Variants in DNAH3 observed in about 807,000 individuals in gnomAD.
DNAH3 encodes the protein axonemal beta dynein heavy chain 3.
DNAH3 carries 332 observed loss-of-function variants against 432.5 expected under a neutral mutation model. That is an observed-to-expected ratio of 0.77 (90% CI 0.70 to 0.84). DNAH3 has a LOEUF of 0.84. DNAH3 is among the 40% of genes least tolerant of loss of function. The probability of loss-of-function intolerance (pLI) is 0.00; values close to 1 mark genes in which losing one functional copy is unlikely to be tolerated. For synonymous variants in DNAH3, 1,956 were observed against 1,900.2 expected (o/e 1.03, Z -0.76); for missense variants, 4,861 against 5,114.0 (o/e 0.95, Z 1.51).
At chr16:21,125,125 G>C (rs775147451) in intron 9 of DNAH3, 50 bp downstream of exon 10, 1 of 1,475,024 alleles carries the variant, frequency 6.8e-7, no homozygotes, top group Admixed American at 2.1e-5. Flanking sequence ...CTCTAACCAA[G>C]TAACCAGGTT....
intron 56 of DNAH3, among the ~76,000 whole-genome samples, chr16:20,952,050 TA>T (rs1372376811): frequency 6.6e-6 from 1 of 152,072 alleles, no homozygotes; most frequent in East Asian, 1.9e-4. Context: ...GCCAATTTTT[TA>T]ATTTTTAGTA....
At chr16:21,155,582 A>T (rs2092892582) in intron 1 of DNAH3, among the ~76,000 whole-genome samples, 2 of 137,294 alleles carry the variant, frequency 1.5e-5, no homozygotes, top group Non-Finnish European at 3.0e-5. Flanking sequence ...AGATAGCGCC[A>T]CTGCACTCCA....
At chr16:21,144,756 G>A (rs964580412) in intron 3 of DNAH3, among the ~76,000 whole-genome samples, 13 of 152,118 alleles carry the variant, frequency 8.5e-5, no homozygotes, top group Non-Finnish European at 4.4e-5. Flanking sequence ...GGAGGAGAGT[G>A]AGGCTTTGCA....
chr16:20,961,259 T>C (rs1410733978), intron 53 of DNAH3, among the ~76,000 whole-genome samples: 1 of 152,090 alleles, frequency 6.6e-6, no homozygotes, highest in Non-Finnish European at 1.5e-5. Flanking sequence ...GGAGATAGGG[T>C]CTTTGCGGAG....
chr16:20,975,552 A>T (rs1200563660), intron 50 of DNAH3, 137 bp from the exon 51 acceptor site: 4 of 835,174 alleles, frequency 4.8e-6, no homozygotes, highest in Non-Finnish European at 7.4e-6. Context: ...CTGGGTACAG[A>T]TTCGTTTCCT....
chr16:21,119,613 T>G (rs1027055889), intron 11 of DNAH3, among the ~76,000 whole-genome samples: 1 of 151,888 alleles, frequency 6.6e-6, no homozygotes, highest in Admixed American at 6.6e-5. Context: ...TTTTTTTTTT[T>G]GAGATGGAGT....
At chr16:21,040,643 G>A (rs2089401611) in intron 32 of DNAH3, among the ~76,000 whole-genome samples, 1 of 152,020 alleles carries the variant, frequency 6.6e-6, no homozygotes, top group Non-Finnish European at 1.5e-5. Flanking sequence ...TCAGATTAAG[G>A]CGTGAGCTAC....
intron 41 of DNAH3, among the ~76,000 whole-genome samples, chr16:21,013,521 G>A (rs2087707984): frequency 1.3e-5 from 2 of 152,082 alleles, no homozygotes; most frequent in Non-Finnish European, 2.9e-5. Flanking sequence ...AGGAGTTTGA[G>A]ACTAGCCTGA....
rs768855041 is a variant in DNAH3 at position 20,964,118 on chromosome 16, C to G, written c.9766G>C (p.Asp3256His). 5 of 1,614,082 alleles carry G rather than the reference C, an allele frequency of 3.1e-6. No homozygotes were observed. The African/African-American group carries it at 6.7e-5, about 22-fold the overall frequency. ...GACAGAACTTTGATGGCGGTTTCAT[C>G]CTCCAGGATGTTACCCTTGGACATG... Residue 3256 changes from aspartate (D) to histidine (H), a missense_variant, in exon 53 of 62, where the codon GAT (aspartate) becomes CAT (histidine). Coordinates refer to ENST00000261383, the Ensembl canonical transcript of DNAH3.
chr16:21,154,432 A>G (rs1483184829), intron 1 of DNAH3, among the ~76,000 whole-genome samples: 1 of 151,958 alleles, frequency 6.6e-6, no homozygotes, highest in Admixed American at 6.6e-5. Flanking sequence ...AATGGTCCTG[A>G]TGTGGAGCTA....
chr16:21,134,252 T>C lies in DNAH3; in HGVS notation c.1082+7A>G. Reference sequence around the variant, plus strand: ...GGGAATGAAAAAAAAAGGGAGGGACTTCTTACTCTGCAAACCACAGTTCTT... The same window carrying C: ...GGGAATGAAAAAAAAAGGGAGGGACCTCTTACTCTGCAAACCACAGTTCTT... On this transcript the variant is annotated splice_region_variant and intron_variant, in intron 7 of 61. Transcript: ENST00000261383. The C allele has an allele frequency of 6.2e-7, 1 of 1,605,816 alleles. No homozygotes were observed. The highest frequency in any genetic ancestry group is 1.3e-5 in the African/African-American group (1 of 74,598).
intron 60 of DNAH3, among the ~76,000 whole-genome samples, chr16:20,935,737 G>GTT (rs1343280167): frequency 1.3e-5 from 2 of 152,028 alleles, no homozygotes; most frequent in East Asian, 3.9e-4. Flanking sequence ...CAGCTGCTTG[G>GTT]GAAGCTGAGG....
At chr16:20,951,748 T>A (rs1051823213) in intron 56 of DNAH3, among the ~76,000 whole-genome samples, 1 of 145,786 alleles carries the variant, frequency 6.9e-6, no homozygotes, top group Non-Finnish European at 1.5e-5. Flanking sequence ...ATTTTTTTTT[T>A]TTTTTTTTTT....
chr16:21,072,008 A>G (rs2090801963), intron 21 of DNAH3, among the ~76,000 whole-genome samples: 2 of 152,196 alleles, frequency 1.3e-5, no homozygotes, highest in African/African-American at 4.8e-5. Context: ...TTATTTAAAA[A>G]TAAAATACAG....
intron 33 of DNAH3, 28 bp from the exon 34 acceptor site, chr16:21,038,008 C>T: frequency 1.2e-6 from 2 of 1,601,566 alleles, no homozygotes; most frequent in Non-Finnish European, 1.7e-6. Flanking sequence ...TGTATGCGGA[C>T]ACCCAGAGAG....
intron 49 of DNAH3, among the ~76,000 whole-genome samples, chr16:20,982,407 C>T (rs2085953543): frequency 6.6e-6 from 1 of 151,958 alleles, no homozygotes; most frequent in South Asian, 2.1e-4. Flanking sequence ...AACAAACAAA[C>T]ATTGTTTTGT....
intron 43 of DNAH3, among the ~76,000 whole-genome samples, chr16:20,999,069 C>T (rs1177817686): frequency 6.6e-6 from 1 of 152,074 alleles, no homozygotes; most frequent in Non-Finnish European, 1.5e-5. Context: ...ACCTGGGTAA[C>T]AAAGCAAGAC....
chr16:21,041,571 G>A (rs182605688), intron 32 of DNAH3, among the ~76,000 whole-genome samples: 65 of 152,258 alleles, frequency 4.3e-4, no homozygotes, highest in African/African-American at 1.5e-3. Context: ...CCTAAAGTCC[G>A]TGGATATGGG....
intron 44 of DNAH3, 68 bp downstream of exon 44, chr16:20,997,215 T>C (rs930087370): frequency 1.6e-5 from 25 of 1,542,834 alleles, no homozygotes; most frequent in Non-Finnish European, 2.0e-5. Context: ...CCAACCCACC[T>C]TTCATAAAGG....
Sources: gnomAD v4.1 joint callset for allele counts (sites outside exome capture counted in the v4.1 genomes callset) on GRCh38, gnomAD v4.1.1 for gene constraint, MANE v1.5 for transcripts, NCBI Gene and HGNC (gene_info 2026-07-23, HGNC 2026-07-21) for gene names.